CEP192: variants seen among roughly 807,000 people sequenced by gnomAD.
CEP192 encodes the protein centrosomal protein of 192 kDa.
Under a neutral mutation model 271.8 loss-of-function variants are expected in CEP192, and 151 were observed. The observed-to-expected ratio is 0.56, with a 90% CI of 0.49 to 0.64. The LOEUF is 0.64. Ranked by LOEUF, CEP192 falls within the 30% of genes least tolerant of loss-of-function variation. The pLI is 0.00. For missense variants in CEP192, 2,910 were observed against 3,020.5 expected, an observed-to-expected ratio of 0.96 and a Z score of 0.86; for synonymous variants, 995 against 1,076.5, an observed-to-expected ratio of 0.92 and a Z score of 1.48.
intron 5 of CEP192, among the ~76,000 whole-genome samples, chr18:13,014,926 T>C (rs2034556392): frequency 6.6e-6 from 1 of 152,178 alleles, no homozygotes; most frequent in African/African-American, 2.4e-5. Flanking sequence ...AGCAGAGAAA[T>C]TGATTTTTCC....
At chr18:13,124,601 A>C in intron 44 of CEP192, 31 bp from the exon 45 acceptor site, 1 of 1,593,688 alleles carries the variant, frequency 6.3e-7, no homozygotes, top group East Asian at 2.2e-5. Context: ...CTGTCATGAC[A>C]TGCTGCTGTC....
chr18:13,008,191 A>G (rs140452063), intron 3 of CEP192, among the ~76,000 whole-genome samples: 11 of 152,318 alleles, frequency 7.2e-5, no homozygotes, highest in African/African-American at 2.6e-4. Flanking sequence ...AAGTAAAAAA[A>G]CCACTTTTTG....
At position 13,015,668 on chromosome 18, in the gene CEP192, ATAGT is replaced by A. The variant is rs554544288; in HGVS notation, c.640+224_640+227del. Among the ~76,000 whole-genome samples the A allele has an allele frequency of 1.4e-3, 211 of 152,288 alleles. 1 individual carries two copies. The Middle Eastern group carries it at 0.02, about 15-fold the overall frequency. ...TGATTATACTCATCCTCAGTTTAAC[ATAGT>A]TAGGGTACAAAGTAGTCACCTGGAG... On this transcript the variant is annotated intron_variant, in intron 6 of 44. Transcript: ENST00000506447.
chr18:12,999,714 T>C, intron 2 of CEP192, 126 bp downstream of exon 2: 1 of 564,062 alleles, frequency 1.8e-6, no homozygotes, highest in Non-Finnish European at 2.8e-6. Context: ...GCCAAATATG[T>C]GAAATGAATA....
At chr18:13,022,487 C>T (rs1197857278) in intron 9 of CEP192, among the ~76,000 whole-genome samples, 2 of 152,048 alleles carry the variant, frequency 1.3e-5, no homozygotes, top group South Asian at 2.1e-4. Flanking sequence ...TTCAAGCGAT[C>T]CTCTCTCCTC....
chr18:13,056,507 ACT>A lies in CEP192; in HGVS notation c.3920_3921del (p.Ser1307CysfsTer23). 6.2e-7 allele frequency: 1 copy of A among 1,614,122 alleles called. No homozygotes were observed. The highest frequency in any genetic ancestry group is 8.5e-7 in the Non-Finnish European group (1 of 1,180,018). ...GCTGTTGCAGGAGAGCCTGTGCAGA[ACT>A]CTGTGGCTGTGGGAATTTGTCTAGG... On this transcript the variant is annotated frameshift_variant, in exon 19 of 45. Transcript: ENST00000506447. LOFTEE classifies it high-confidence loss of function.
Position 13,049,434 on chromosome 18 carries a change from A to G in CEP192, c.2643A>G (p.Thr881=). The change falls in exon 16 of 45, where the codon ACA becomes ACG. Residue 881 remains threonine, a synonymous_variant. Coordinates refer to ENST00000506447, the MANE Select transcript of CEP192 (RefSeq NM_032142.4). ...ACAGTGCAGTAGTTGATGTGAAGACATGTTCCATTGACAACAAATTACAAG... is the reference window on the plus strand; with the variant it reads ...ACAGTGCAGTAGTTGATGTGAAGACGTGTTCCATTGACAACAAATTACAAG... The part of the protein sequence containing the change: ...ENNSAVVDVK[T]CSIDNKLQDV... 2 of 1,614,168 alleles carry G rather than the reference A, an allele frequency of 1.2e-6. No homozygotes were observed. The highest frequency in any genetic ancestry group is 1.7e-6 in the Non-Finnish European group (2 of 1,180,010).
At chr18:13,078,789 C>G (rs1241524385) in intron 30 of CEP192, among the ~76,000 whole-genome samples, 1 of 152,134 alleles carries the variant, frequency 6.6e-6, no homozygotes, top group Non-Finnish European at 1.5e-5. Flanking sequence ...TCCCCTGCCC[C>G]CCATCCCACA....
chr18:13,080,048 A>G (rs1285195015), intron 30 of CEP192, among the ~76,000 whole-genome samples: 2 of 152,132 alleles, frequency 1.3e-5, no homozygotes, highest in African/African-American at 2.4e-5. Context: ...GGCTTGTAGT[A>G]TAGTTTGAAG....
At chr18:13,048,161 C>A (rs1312647482) in intron 15 of CEP192, among the ~76,000 whole-genome samples, 1 of 152,148 alleles carries the variant, frequency 6.6e-6, no homozygotes, top group African/African-American at 2.4e-5. Flanking sequence ...AACTGAGGTG[C>A]AAAAATATTC....
At chr18:13,101,159 A>G (rs1461000437) in intron 38 of CEP192, among the ~76,000 whole-genome samples, 1 of 152,172 alleles carries the variant, frequency 6.6e-6, no homozygotes, top group Non-Finnish European at 1.5e-5. Context: ...CACAGCTTCT[A>G]GTCAGCCGCA....
At chr18:13,089,979 C>T (rs866944537) in intron 33 of CEP192, among the ~76,000 whole-genome samples, 11 of 152,264 alleles carry the variant, frequency 7.2e-5, no homozygotes, top group Admixed American at 5.9e-4. Flanking sequence ...GGTTACTGTG[C>T]TATCGTGCCT....
At chr18:13,071,017 C>A in intron 27 of CEP192, 22 bp from the exon 28 acceptor site, 1 of 1,603,360 alleles carries the variant, frequency 6.2e-7, no homozygotes, top group Non-Finnish European at 8.5e-7. Flanking sequence ...GGACCTTCAA[C>A]TTAGAATTCT....
chr18:13,072,550 A>T (rs1053395467), intron 28 of CEP192, among the ~76,000 whole-genome samples: 11 of 152,250 alleles, frequency 7.2e-5, no homozygotes, highest in Admixed American at 7.2e-4. Context: ...GATTAAACCA[A>T]AAAGCCTCTA....
At chr18:13,095,241 A>G (rs866447912) in intron 34 of CEP192, among the ~76,000 whole-genome samples, 4 of 151,986 alleles carry the variant, frequency 2.6e-5, no homozygotes, top group African/African-American at 7.3e-5. Flanking sequence ...GCCTTAAGCA[A>G]TCCTCCCGCC....
chr18:13,080,418 TC>T (rs2038533690), intron 30 of CEP192, among the ~76,000 whole-genome samples: 1 of 152,156 alleles, frequency 6.6e-6, no homozygotes, highest in South Asian at 2.1e-4. Flanking sequence ...GGGAGTTCAC[TC>T]ATGATTTGGC....
chr18:13,118,140 ATTTTC>A (rs2040515071), intron 44 of CEP192, among the ~76,000 whole-genome samples: 1 of 152,016 alleles, frequency 6.6e-6, no homozygotes, highest in African/African-American at 2.4e-5. Flanking sequence ...GCTCTTGCTA[ATTTTC>A]TTTTCTATAT....
chr18:12,999,405 A>G lies in CEP192; in HGVS notation c.-4-16A>G. 1.3e-6 allele frequency: 2 copies of G among 1,503,742 alleles called. No homozygotes were observed. Among genetic ancestry groups the G allele is most frequent in the South Asian group, 1.3e-5 (1 of 77,412 alleles). 93.1% of individuals were successfully genotyped at this position (1,503,742 alleles called of 1,614,324 possible). A position where few individuals can be genotyped will look rare whatever the true frequency, so the allele number is the denominator to read the frequency against. ...ATAGTAATATGTGACCTATAGAAAT[A>G]CTTTTGTTATTGCAGTGAGATGGAA... On this transcript the variant is annotated splice_polypyrimidine_tract_variant and intron_variant, in intron 1 of 44. Coordinates refer to ENST00000506447, the MANE Select transcript of CEP192 (RefSeq NM_032142.4).
At chr18:12,998,457 A>G (rs2033398638) in intron 1 of CEP192, among the ~76,000 whole-genome samples, 1 of 152,214 alleles carries the variant, frequency 6.6e-6, no homozygotes, top group Non-Finnish European at 1.5e-5. Context: ...AATTGAGCTA[A>G]TTTAGTCTCT....
Sources: allele counts gnomAD v4.1 joint callset (sites outside exome capture counted in the v4.1 genomes callset), GRCh38; gene constraint gnomAD v4.1.1; transcripts MANE v1.5; gene names NCBI Gene and HGNC (gene_info 2026-07-23, HGNC 2026-07-21).